Variants in ME1 observed in about 807,000 individuals in gnomAD.
ME1 encodes the protein malic enzyme 1.
In ME1, 74 loss-of-function variants were observed where a neutral mutation model predicts 66.4. The ratio of observed to expected loss-of-function variants is 1.11; its 90% CI spans 0.92 to 1.35. The LOEUF is 1.35. ME1 is among the 40% of genes most tolerant of loss of function. ME1 has a pLI of 0.00. For missense variants in ME1, 750 were observed against 694.1 expected, an observed-to-expected ratio of 1.08 and a Z score of -0.90; for synonymous variants, 251 against 235.6, an observed-to-expected ratio of 1.07 and a Z score of -0.60.
intron 3 of ME1, among the ~76,000 whole-genome samples, chr6:83,384,521 C>T (rs1255115688): frequency 1.3e-5 from 2 of 151,508 alleles, no homozygotes; most frequent in East Asian, 1.9e-4. Context: ...ATTTAAGTTC[C>T]TTATATTAAT....
At chr6:83,242,838 C>T (rs757252999) in intron 7 of ME1, among the ~76,000 whole-genome samples, 3 of 151,940 alleles carry the variant, frequency 2.0e-5, no homozygotes, top group Non-Finnish European at 4.4e-5. Flanking sequence ...AATTGTTGGC[C>T]GGCAGTGGGG....
chr6:83,361,665 C>G (rs968302226), intron 3 of ME1, among the ~76,000 whole-genome samples: 9 of 152,326 alleles, frequency 5.9e-5, no homozygotes, highest in African/African-American at 2.2e-4. Context: ...TAAATAAGCT[C>G]CTTTTGAGAG....
chr6:83,229,094 C>T (rs975082916), intron 9 of ME1, 163 bp from the exon 10 acceptor site: 2 of 621,196 alleles, frequency 3.2e-6, no homozygotes, highest in South Asian at 1.9e-5. Context: ...TTATTTCATT[C>T]ATTCGTTTAA....
chr6:83,222,333 T>C (rs1302995677), intron 12 of ME1, among the ~76,000 whole-genome samples: 2 of 152,174 alleles, frequency 1.3e-5, no homozygotes, highest in Non-Finnish European at 2.9e-5. Flanking sequence ...CAAGCATCTG[T>C]TCTCATAGAA....
chr6:83,246,602 A>T lies in ME1; in HGVS notation c.815-6966T>A, dbSNP rs147930674. Among the ~76,000 whole-genome samples the T allele has an allele frequency of 3.5e-4, 54 of 152,256 alleles. 1 individual carries two copies. The East Asian group carries it at 8.9e-3, about 25-fold the overall frequency. On this transcript the variant is annotated intron_variant, in intron 7 of 13. Transcript: ENST00000369705. Reference sequence around the variant, plus strand: ...TTATAATATTCCATACTATGGGTATATGGTAATTCATTTAACCAAACCTCT... The same window carrying T: ...TTATAATATTCCATACTATGGGTATTTGGTAATTCATTTAACCAAACCTCT...
chr6:83,368,697 A>C (rs533503881), intron 3 of ME1, among the ~76,000 whole-genome samples: 4 of 152,200 alleles, frequency 2.6e-5, no homozygotes, highest in East Asian at 3.9e-4. Flanking sequence ...TACTGAGTAG[A>C]CCCTATCATA....
intron 6 of ME1, among the ~76,000 whole-genome samples, chr6:83,261,202 T>C (rs570065279): frequency 2.1e-4 from 32 of 152,318 alleles, no homozygotes; most frequent in African/African-American, 7.7e-4. Context: ...TGCATTTCTC[T>C]AATGATCAGT....
chr6:83,329,909 C>T (rs920290766), intron 5 of ME1, among the ~76,000 whole-genome samples: 2 of 152,104 alleles, frequency 1.3e-5, no homozygotes, highest in East Asian at 3.9e-4. Flanking sequence ...ACTATAGCCT[C>T]GAACTCCGAG....
intron 3 of ME1, chr6:83,393,299 G>T: frequency 7.9e-7 from 1 of 1,259,404 alleles, no homozygotes. Context: ...GCTGGGGCTG[G>T]CATTGCCCTC....
chr6:83,325,427 C>A (rs1419443232), intron 5 of ME1, among the ~76,000 whole-genome samples: 1 of 152,180 alleles, frequency 6.6e-6, no homozygotes, highest in Non-Finnish European at 1.5e-5. Flanking sequence ...GTCAAATTGT[C>A]TCTCTTTGCA....
chr6:83,262,701 A>G (rs1397056564), intron 6 of ME1, among the ~76,000 whole-genome samples: 1 of 152,198 alleles, frequency 6.6e-6, no homozygotes, highest in Non-Finnish European at 1.5e-5. Context: ...AGCAATAACT[A>G]ATGACCAGGA....
chr6:83,316,214 T>A (rs1768026484), intron 5 of ME1, among the ~76,000 whole-genome samples: 1 of 152,212 alleles, frequency 6.6e-6, no homozygotes, highest in Non-Finnish European at 1.5e-5. Flanking sequence ...TAGCCTTTAC[T>A]AGTGTTTTCT....
intron 6 of ME1, among the ~76,000 whole-genome samples, chr6:83,273,672 T>C (rs1767126034): frequency 1.3e-5 from 2 of 152,216 alleles, no homozygotes; most frequent in South Asian, 4.1e-4. Context: ...GATGATTGAA[T>C]TTACAGTGAC....
At chr6:83,323,367 TA>T (rs1768218186) in intron 5 of ME1, among the ~76,000 whole-genome samples, 1 of 151,946 alleles carries the variant, frequency 6.6e-6, no homozygotes, top group Non-Finnish European at 1.5e-5. Context: ...GCAAACAGGA[TA>T]AAGAGTCAAT....
At chr6:83,258,744 G>T (rs1025134713) in intron 6 of ME1, among the ~76,000 whole-genome samples, 1 of 152,054 alleles carries the variant, frequency 6.6e-6, no homozygotes, top group Admixed American at 6.6e-5. Context: ...AACAGATAAA[G>T]AAATGAACTC....
At chr6:83,420,117 G>A (rs1770237393) in intron 1 of ME1, among the ~76,000 whole-genome samples, 1 of 152,058 alleles carries the variant, frequency 6.6e-6, no homozygotes, top group African/African-American at 2.4e-5. Flanking sequence ...ACCGAGGCTG[G>A]AGTGCAGTGG....
chr6:83,374,625 CA>C (rs1160041456), intron 3 of ME1, among the ~76,000 whole-genome samples: 1 of 152,092 alleles, frequency 6.6e-6, no homozygotes, highest in African/African-American at 2.4e-5. Context: ...TCAATTTTAG[CA>C]ATGTTGCAAT....
chr6:83,376,804 C>CCAAAAAAAAAAAAAAAAAAAAAAAAAAAA (rs768668584), intron 3 of ME1, among the ~76,000 whole-genome samples: 1 of 87,122 alleles, frequency 1.1e-5, no homozygotes, highest in African/African-American at 3.9e-5. Flanking sequence ...CCCTGTCTCA[C>CCAAAAAAAAAAAAAAAAAAAAAAAAAAAA]AAAAAAAAAA....
chr6:83,407,526 C>T (rs529571799), intron 2 of ME1, among the ~76,000 whole-genome samples: 12 of 152,250 alleles, frequency 7.9e-5, no homozygotes, highest in African/African-American at 2.9e-4. Context: ...TTTGCTTTTG[C>T]AGTATCATAT....
Sources: allele counts gnomAD v4.1 joint callset (sites outside exome capture counted in the v4.1 genomes callset), GRCh38; gene constraint gnomAD v4.1.1; transcripts MANE v1.5; gene names NCBI Gene and HGNC (gene_info 2026-07-23, HGNC 2026-07-21).